The following IGSF11 variants were observed in gnomAD, a reference collection of about 807,000 sequenced individuals.
IGSF11 encodes CXADR like 1.
Under a neutral mutation model 41.0 loss-of-function variants are expected in IGSF11, and 22 were observed. That is an observed-to-expected ratio of 0.54 (90% CI 0.38 to 0.77). The LOEUF is 0.77. IGSF11 is among the 30% of genes least tolerant of loss of function. The pLI is 0.00. For synonymous variants in IGSF11, 219 were observed against 201.3 expected (o/e 1.09, Z -0.74); for missense variants, 444 against 530.8 (o/e 0.84, Z 1.61).
chr3:118,928,460 T>C, intron 3 of IGSF11, 49 bp downstream of exon 3: 4 of 1,442,674 alleles, frequency 2.8e-6, no homozygotes, highest in African/African-American at 2.8e-5. Flanking sequence ...TGCTTGAGAG[T>C]AGCTTCGTGA....
At chr3:119,073,612 G>A (rs527762170) in intron 1 of IGSF11, among the ~76,000 whole-genome samples, 1 of 152,268 alleles carries the variant, frequency 6.6e-6, no homozygotes, top group South Asian at 2.1e-4. Context: ...CAGTGCTGGG[G>A]GCCCGGCGCA....
At chr3:118,992,786 G>GA (rs1185298129) in intron 1 of IGSF11, among the ~76,000 whole-genome samples, 1 of 151,988 alleles carries the variant, frequency 6.6e-6, no homozygotes, top group African/African-American at 2.4e-5. Flanking sequence ...AGTGATAAAA[G>GA]AAAAAAATTG....
At chr3:119,014,043 G>A (rs1379380759) in intron 1 of IGSF11, among the ~76,000 whole-genome samples, 1 of 152,218 alleles carries the variant, frequency 6.6e-6, no homozygotes, top group African/African-American at 2.4e-5. Context: ...ACCCAGCAGT[G>A]GAAGCTGAGC....
At chr3:118,955,217 C>T (rs964147728) in intron 1 of IGSF11, among the ~76,000 whole-genome samples, 55 of 120,914 alleles carry the variant, frequency 4.5e-4, no homozygotes, top group African/African-American at 2.4e-3. Context: ...TGTATATGTA[C>T]ATACACACAC....
At chr3:118,965,161 T>A (rs74472886) in intron 1 of IGSF11, among the ~76,000 whole-genome samples, 1 of 152,042 alleles carries the variant, frequency 6.6e-6, no homozygotes, top group African/African-American at 2.4e-5. Context: ...AATAAACATA[T>A]AAAAATATAC....
chr3:119,092,761 A>G (rs1478665935), intron 1 of IGSF11, among the ~76,000 whole-genome samples: 1 of 152,194 alleles, frequency 6.6e-6, no homozygotes, highest in Non-Finnish European at 1.5e-5. Flanking sequence ...TAAGTGCCCT[A>G]TACAGATATA....
intron 1 of IGSF11, among the ~76,000 whole-genome samples, chr3:119,026,565 A>G (rs975134888): frequency 4.6e-5 from 7 of 152,210 alleles, no homozygotes; most frequent in African/African-American, 1.7e-4. Context: ...TTAAGACTGT[A>G]CTAGTAGTCA....
rs73185835 is a variant in IGSF11 at position 119,034,695 on chromosome 3, G to T, written c.-113C>A. On this transcript the variant is annotated 5_prime_UTR_variant, in exon 1 of 7. Transcript: ENST00000393775. ...GCAGCCTGGTCCTCCCACACCCAGCGCCGGGCCGCTGTTCCCCGCGCAGAG... is the reference window on the plus strand; with the variant it reads ...GCAGCCTGGTCCTCCCACACCCAGCTCCGGGCCGCTGTTCCCCGCGCAGAG... 0.22 allele frequency: 304,978 copies of T among 1,385,262 alleles called. 35,406 individuals are homozygous for T. The highest frequency in any genetic ancestry group is 0.35 in the South Asian group (20,978 of 60,544). 85.8% of individuals were successfully genotyped at this position (1,385,262 alleles called of 1,614,324 possible).
intron 1 of IGSF11, among the ~76,000 whole-genome samples, chr3:119,065,737 GAGCCAACATCGCACCACTGC>G (rs1172858194): frequency 7.0e-6 from 1 of 143,204 alleles, no homozygotes; most frequent in African/African-American, 2.6e-5. Context: ...ATGTTGCAGT[GAGCCAACATCGCACCACTGC>G]ACTCCAGCCT....
At chr3:119,081,117 ACTGT>A (rs1170467495) in intron 1 of IGSF11, among the ~76,000 whole-genome samples, 1 of 152,140 alleles carries the variant, frequency 6.6e-6, no homozygotes, top group Non-Finnish European at 1.5e-5. Context: ...TGAGCATTTG[ACTGT>A]CTAGTGAGTA....
At chr3:119,097,957 A>ATTT (rs377746200) in intron 1 of IGSF11, among the ~76,000 whole-genome samples, 2,464 of 58,314 alleles carry the variant, frequency 0.042, 413 homozygotes, top group South Asian at 0.07. Flanking sequence ...CATTCAGCTA[A>ATTT]TTTTTTTTTT....
intron 1 of IGSF11, among the ~76,000 whole-genome samples, chr3:119,075,582 A>C (rs1344431252): frequency 1.3e-5 from 2 of 152,212 alleles, no homozygotes. Context: ...CCTCAGCAAA[A>C]TACTAGCAAA....
At chr3:119,121,965 T>C (rs184758569) in intron 1 of IGSF11, among the ~76,000 whole-genome samples, 459 of 152,312 alleles carry the variant, frequency 3.0e-3, no homozygotes, top group Non-Finnish European at 4.6e-3. Context: ...AAAGAATCTC[T>C]CATTTAAAAA....
At chr3:119,054,271 C>T (rs1487326510) in intron 1 of IGSF11, among the ~76,000 whole-genome samples, 1 of 152,052 alleles carries the variant, frequency 6.6e-6, no homozygotes, top group Non-Finnish European at 1.5e-5. Context: ...TATGCATCTT[C>T]ACAAACTATG....
At chr3:119,124,688 G>T (rs1475461413) in intron 1 of IGSF11, among the ~76,000 whole-genome samples, 3 of 151,842 alleles carry the variant, frequency 2.0e-5, no homozygotes, top group Non-Finnish European at 4.4e-5. Context: ...GTTTCAAAAG[G>T]GTAAATCTAA....
chr3:119,078,256 T>A (rs1366250449), intron 1 of IGSF11, among the ~76,000 whole-genome samples: 2 of 152,180 alleles, frequency 1.3e-5, no homozygotes, highest in African/African-American at 2.4e-5. Context: ...TACTACCTGA[T>A]GTCAAGTACT....
rs912918645 is a variant in IGSF11 at position 118,947,941 on chromosome 3, T to C, written c.53-17666A>G. 9 of 152,376 alleles carry C rather than the reference T, an allele frequency of 5.9e-5. 1 individual carries two copies. The East Asian group carries it at 1.2e-3, about 20-fold the overall frequency. 9.4% of individuals were successfully genotyped at this position (152,376 alleles called of 1,614,324 possible). On this transcript the variant is annotated intron_variant, in intron 1 of 6. Coordinates refer to ENST00000393775, the MANE Select transcript of IGSF11 (RefSeq NM_001015887.3). ...ATAGCTATAGTTCATTTATTTCTAT[T>C]ACTATGCAGTATACTTGGATTCAGG...
At chr3:119,043,198 C>A (rs1268542412) in intron 1 of IGSF11, among the ~76,000 whole-genome samples, 2 of 152,168 alleles carry the variant, frequency 1.3e-5, no homozygotes, top group Non-Finnish European at 2.9e-5. Context: ...GAAAACAGAG[C>A]TCCCATAAAT....
chr3:119,035,931 G>C (rs1940873157), upstream of IGSF11, among the ~76,000 whole-genome samples: 1 of 151,996 alleles, frequency 6.6e-6, no homozygotes, highest in Non-Finnish European at 1.5e-5. Context: ...AATCCTCCCA[G>C]GGAAACTCAG....
Sources: gnomAD v4.1 joint callset for allele counts (sites outside exome capture counted in the v4.1 genomes callset) on GRCh38, gnomAD v4.1.1 for gene constraint, MANE v1.5 for transcripts, NCBI Gene and HGNC (gene_info 2026-07-23, HGNC 2026-07-21) for gene names.